The following ATG7 variants were observed in gnomAD, a reference collection of about 807,000 sequenced individuals.
ATG7 encodes autophagy related 7, also known as ubiquitin-like modifier-activating enzyme ATG7.
A neutral mutation model predicts 82.4 loss-of-function variants in ATG7; 70 were observed. The observed-to-expected ratio is 0.85, with a 90% CI of 0.70 to 1.04. The LOEUF (loss-of-function observed/expected upper bound fraction) is 1.04, where lower values mean the gene tolerates loss of function less well. ATG7 is among the 50% of genes least tolerant of loss of function. The pLI is 0.00. For missense variants in ATG7, 792 were observed against 864.3 expected (o/e 0.92, Z 1.05); for synonymous variants, 287 against 313.0 (o/e 0.92, Z 0.88).
intron 20 of ATG7, among the ~76,000 whole-genome samples, chr3:11,505,985 G>A (rs1311431081): frequency 1.3e-5 from 2 of 152,214 alleles, no homozygotes; most frequent in African/African-American, 2.4e-5. Context: ...CACAGTCACA[G>A]GGGCATTATG....
intron 14 of ATG7, among the ~76,000 whole-genome samples, chr3:11,353,644 C>T (rs1235732500): frequency 1.3e-5 from 2 of 152,006 alleles, no homozygotes; most frequent in African/African-American, 4.8e-5. Flanking sequence ...TGAGTGAGTT[C>T]TCGACCTCTT....
rs187009012 is a variant in ATG7 at position 11,462,438 on chromosome 3, G to A, written c.2079+35512G>A. Among the ~76,000 whole-genome samples, 372 of 152,282 alleles carry A rather than the reference G, an allele frequency of 2.4e-3. 1 individual carries two copies. The highest frequency in any genetic ancestry group is 8.4e-3 in the African/African-American group (347 of 41,556). On this transcript the variant is annotated intron_variant, in intron 20 of 20. Coordinates refer to ENST00000693202, the MANE Select transcript of ATG7 (RefSeq NM_001349232.2). ...GGCAGTCAGGAGGCAGAAGACAGGAGCAAGGGGAAAGCATTAAGGTAAAGC... is the reference window on the plus strand; with the variant it reads ...GGCAGTCAGGAGGCAGAAGACAGGAACAAGGGGAAAGCATTAAGGTAAAGC...
At chr3:11,494,261 A>G (rs1191495628) in intron 20 of ATG7, among the ~76,000 whole-genome samples, 1 of 152,182 alleles carries the variant, frequency 6.6e-6, no homozygotes, top group Non-Finnish European at 1.5e-5. Flanking sequence ...AGGGAGGGGT[A>G]AGGAAGAGGA....
In ATG7 at chr3:11,486,072, T is replaced by G. The variant is rs2089607111; in HGVS notation, c.2079+59146T>G. ...ACTTTTAAGTAGTTTTTTCCAATTC[T>G]GTGAAGAAGGTCCTTGGTAGCTTGA... is the stretch of plus-strand genomic sequence containing the variant. On this transcript the variant is annotated intron_variant, in intron 20 of 20. Transcript: ENST00000693202. Among the ~76,000 whole-genome samples the G allele has an allele frequency of 2.0e-5, 3 of 152,248 alleles. No individual in the cohort carries two copies. In the South Asian group the frequency reaches 6.2e-4, roughly 32 times the overall value.
In ATG7 at chr3:11,377,019, G is replaced by C. The variant is rs550554626; in HGVS notation, c.1876-2953G>C. On this transcript the variant is annotated intron_variant, in intron 18 of 20. Coordinates refer to ENST00000693202, the MANE Select transcript of ATG7 (RefSeq NM_001349232.2). ...CTCCCAAAGTGCTGGGATTACAGGC[G>C]TGAGCCACCGCGCCCGGCCTTGTCT... Among the ~76,000 whole-genome samples, 13 of 152,284 alleles carry C rather than the reference G, an allele frequency of 8.5e-5. No homozygotes were observed. In the East Asian group the frequency reaches 2.5e-3, roughly 29 times the overall value.
chr3:11,378,778 G>T (rs1299075724), intron 18 of ATG7, among the ~76,000 whole-genome samples: 1 of 149,818 alleles, frequency 6.7e-6, no homozygotes, highest in Non-Finnish European at 1.5e-5. Flanking sequence ...AGTTAACACT[G>T]TTACAGTGTG....
In ATG7 at chr3:11,283,489, G is replaced by A. The variant is rs145638654; in HGVS notation, c.-11+1051G>A. On this transcript the variant is annotated intron_variant, in intron 3 of 20. Transcript: ENST00000693202. ...ACACCTGAGTAAATCCAGGTGCAGG[G>A]GGGTGAAGGAACCTGCCCTAACCTG... Among the ~76,000 whole-genome samples, 88 of 152,286 alleles carry A rather than the reference G, an allele frequency of 5.8e-4. 1 individual carries two copies. The South Asian group carries it at 0.011, about 19-fold the overall frequency.
At chr3:11,428,373 A>T (rs755661784) in intron 20 of ATG7, among the ~76,000 whole-genome samples, 25 of 133,512 alleles carry the variant, frequency 1.9e-4, no homozygotes, top group Non-Finnish European at 3.5e-4. Flanking sequence ...AGTCAGACCC[A>T]TTGGAGGTTT....
chr3:11,484,965 C>G (rs936271660), intron 20 of ATG7, among the ~76,000 whole-genome samples: 10 of 152,098 alleles, frequency 6.6e-5, no homozygotes, highest in African/African-American at 2.4e-4. Flanking sequence ...TGGGTTGGTT[C>G]CAAGTCTTTG....
intron 3 of ATG7, among the ~76,000 whole-genome samples, chr3:11,293,921 G>A (rs1945403824): frequency 2.6e-5 from 4 of 151,294 alleles, no homozygotes; most frequent in Admixed American, 6.6e-5. Flanking sequence ...GGGAGGCTGA[G>A]GCAGGAGAAT....
intron 20 of ATG7, among the ~76,000 whole-genome samples, chr3:11,475,330 AC>A (rs1156746417): frequency 2.0e-5 from 3 of 152,134 alleles, no homozygotes; most frequent in African/African-American, 7.2e-5. Flanking sequence ...TATTAATGTC[AC>A]TTCTTATAAA....
intron 20 of ATG7, among the ~76,000 whole-genome samples, chr3:11,452,499 T>C (rs1463889034): frequency 6.6e-6 from 1 of 151,698 alleles, no homozygotes; most frequent in African/African-American, 2.4e-5. Context: ...GAATTCATGC[T>C]ACGTGAATTA....
chr3:11,449,849 G>A (rs1231054277), intron 20 of ATG7, among the ~76,000 whole-genome samples: 1 of 152,208 alleles, frequency 6.6e-6, no homozygotes, highest in Non-Finnish European at 1.5e-5. Flanking sequence ...GATGGAAAAC[G>A]CATTAACTGC....
intron 3 of ATG7, among the ~76,000 whole-genome samples, chr3:11,297,329 G>C (rs1946093843): frequency 6.6e-6 from 1 of 152,176 alleles, no homozygotes; most frequent in Non-Finnish European, 1.5e-5. Flanking sequence ...CTGTACTGTA[G>C]CCTGGGCAGC....
intron 19 of ATG7, among the ~76,000 whole-genome samples, chr3:11,389,318 A>G (rs1026820233): frequency 2.0e-5 from 3 of 151,326 alleles, no homozygotes; most frequent in Admixed American, 6.6e-5. Flanking sequence ...ACTTGTTCAT[A>G]TAACATGTTA....
chr3:11,294,225 G>A (rs1174396099), intron 3 of ATG7, among the ~76,000 whole-genome samples: 2 of 151,864 alleles, frequency 1.3e-5, no homozygotes, highest in East Asian at 3.9e-4. Flanking sequence ...CAAATCACCT[G>A]TTTTCTTTTT....
rs1446721479 is a variant in ATG7, at chr3:11,556,599, A to G, written c.*1756A>G. ...GCACTTTTACAGACAAATCTACGAC[A>G]AAAAAAAAGATCAACTTTTTTTTTC... is the stretch of plus-strand genomic sequence containing the variant. On this transcript the variant is annotated 3_prime_UTR_variant, in exon 21 of 21. Transcript: ENST00000693202. 6.6e-6 allele frequency: 1 copy of G among 151,826 alleles called. No homozygotes were observed. The highest frequency in any genetic ancestry group is 2.4e-5 in the African/African-American group (1 of 41,044). The allele number at this position is 151,826 out of a possible 1,614,324, so 9.4% of individuals were successfully genotyped here. A position where few individuals can be genotyped will look rare whatever the true frequency, so the allele number is the denominator to read the frequency against.
chr3:11,471,494 A>AT (rs2087515086), intron 20 of ATG7, among the ~76,000 whole-genome samples: 1 of 152,146 alleles, frequency 6.6e-6, no homozygotes, highest in Non-Finnish European at 1.5e-5. Flanking sequence ...CATTTAAAAA[A>AT]TTTTTACTGT....
chr3:11,360,180 C>A (rs566947803), intron 15 of ATG7, among the ~76,000 whole-genome samples: 3 of 152,162 alleles, frequency 2.0e-5, no homozygotes, highest in African/African-American at 7.2e-5. Context: ...TGAGTAGCTG[C>A]GACTACTGGC....
Sources: allele counts gnomAD v4.1 joint callset (sites outside exome capture counted in the v4.1 genomes callset), GRCh38; gene constraint gnomAD v4.1.1; transcripts MANE v1.5; gene names NCBI Gene and HGNC (gene_info 2026-07-23, HGNC 2026-07-21).